RBM47: variants seen among roughly 807,000 people sequenced by gnomAD.
RBM47 encodes the protein RNA-binding protein 47.
RBM47 carries 21 observed loss-of-function variants against 47.1 expected under a neutral mutation model. That is an observed-to-expected ratio of 0.45 (90% CI 0.32 to 0.64). The LOEUF (loss-of-function observed/expected upper bound fraction) is 0.64, where lower values mean the gene tolerates loss of function less well. RBM47 is among the 30% of genes least tolerant of loss of function. RBM47 has a pLI of 0.05. For synonymous variants in RBM47, 375 were observed against 361.7 expected, an observed-to-expected ratio of 1.04 and a Z score of -0.42; for missense variants, 708 against 870.9, an observed-to-expected ratio of 0.81 and a Z score of 2.35.
chr4:40,550,760 G>A (rs1460543261), intron 1 of RBM47, among the ~76,000 whole-genome samples: 4 of 152,016 alleles, frequency 2.6e-5, no homozygotes, highest in African/African-American at 7.2e-5. Context: ...TTGAAGGGAC[G>A]GAAGATAGAG....
At chr4:40,569,942 C>G (rs1731551139) in intron 1 of RBM47, among the ~76,000 whole-genome samples, 1 of 143,170 alleles carries the variant, frequency 7.0e-6, no homozygotes, top group African/African-American at 2.6e-5. Context: ...GAACTCCTGT[C>G]CTCAAGTGAT....
chr4:40,551,285 A>G (rs1054763653), intron 1 of RBM47, among the ~76,000 whole-genome samples: 7 of 152,192 alleles, frequency 4.6e-5, no homozygotes, highest in Admixed American at 1.3e-4. Context: ...ATCTCTGTTT[A>G]CTTTGCTGCT....
intron 1 of RBM47, among the ~76,000 whole-genome samples, chr4:40,546,883 C>A (rs1024014135): frequency 6.6e-6 from 1 of 152,216 alleles, no homozygotes; most frequent in Non-Finnish European, 1.5e-5. Flanking sequence ...GCAGCCCACA[C>A]ATCAGTTTTT....
intron 1 of RBM47, among the ~76,000 whole-genome samples, chr4:40,589,973 G>C (rs1390622994): frequency 2.0e-5 from 3 of 151,290 alleles, no homozygotes; most frequent in Non-Finnish European, 2.9e-5. Context: ...TCCCCTTAAC[G>C]CCTATTAGAA....
Position 40,437,908 on chromosome 4 carries a change from T to C in RBM47, c.986A>G (p.Lys329Arg), listed in dbSNP as rs1226751385. ...VDKEQYSRYQ[K>R]AARGGGAAEA... ...AGCCGCGCCGCCGCCCCTGGCTGCC[T>C]TCTGGTAGCGCGAGTACTGCTCCTT... Residue 329 changes from lysine (K) to arginine (R), a missense_variant, in exon 4 of 7, where the codon AAG becomes AGG. Physicochemically the swap from Lys to Arg is conservative, Grantham distance 26. Transcript: ENST00000295971. 1 of 1,613,776 alleles carries C rather than the reference T, an allele frequency of 6.2e-7. No individual in the cohort carries two copies. The highest frequency in any genetic ancestry group is 1.3e-5 in the African/African-American group (1 of 74,924).
intron 1 of RBM47, among the ~76,000 whole-genome samples, chr4:40,580,504 G>A (rs533400699): frequency 6.6e-6 from 1 of 152,258 alleles, no homozygotes; most frequent in Admixed American, 6.5e-5. Flanking sequence ...GGATGCTGAA[G>A]AGAAAGCCCG....
At chr4:40,611,624 A>T (rs930260766) in intron 1 of RBM47, among the ~76,000 whole-genome samples, 1 of 152,124 alleles carries the variant, frequency 6.6e-6, no homozygotes, top group Non-Finnish European at 1.5e-5. Flanking sequence ...AGCTACCAGG[A>T]GGCTGAGGCA....
At chr4:40,603,102 A>G (rs764957432) in intron 1 of RBM47, among the ~76,000 whole-genome samples, 1 of 152,214 alleles carries the variant, frequency 6.6e-6, no homozygotes, top group Non-Finnish European at 1.5e-5. Context: ...TCAGCACCCC[A>G]GAAGTCCTAC....
intron 2 of RBM47, among the ~76,000 whole-genome samples, chr4:40,476,242 CA>C: frequency 6.6e-6 from 1 of 152,122 alleles, no homozygotes; most frequent in African/African-American, 2.4e-5. Context: ...AGAAAGTACT[CA>C]AAAAGTGTTA....
chr4:40,588,094 G>C (rs572299191), intron 1 of RBM47, among the ~76,000 whole-genome samples: 1 of 152,346 alleles, frequency 6.6e-6, no homozygotes, highest in African/African-American at 2.4e-5. Context: ...AAGCCACGAG[G>C]TGTACTGGGG....
At chr4:40,590,572 A>G (rs899726485) in intron 1 of RBM47, among the ~76,000 whole-genome samples, 3 of 152,232 alleles carry the variant, frequency 2.0e-5, no homozygotes, top group Non-Finnish European at 4.4e-5. Flanking sequence ...ATTGTGAATA[A>G]GAGATCAGCT....
intron 4 of RBM47, among the ~76,000 whole-genome samples, 179 bp downstream of exon 4, chr4:40,437,592 A>G (rs1712847654): frequency 6.6e-6 from 1 of 152,198 alleles, no homozygotes; most frequent in Admixed American, 6.5e-5. Context: ...TCAGTGCTGC[A>G]TAAGTGACGG....
At chr4:40,625,222 T>C (rs1737633677) in intron 1 of RBM47, among the ~76,000 whole-genome samples, 1 of 152,148 alleles carries the variant, frequency 6.6e-6, no homozygotes, top group Non-Finnish European at 1.5e-5. Flanking sequence ...ACACAAATGG[T>C]TTACCTGAGC....
chr4:40,457,824 C>G (rs1375815844), intron 3 of RBM47, among the ~76,000 whole-genome samples: 3 of 152,176 alleles, frequency 2.0e-5, no homozygotes, highest in African/African-American at 7.2e-5. Flanking sequence ...TATGCTCAAA[C>G]AGATTTAGAA....
chr4:40,576,636 T>C (rs754141617), intron 1 of RBM47, among the ~76,000 whole-genome samples: 9 of 152,174 alleles, frequency 5.9e-5, no homozygotes, highest in Non-Finnish European at 4.4e-5. Flanking sequence ...GGCATGATCA[T>C]GGATGGCTCA....
chr4:40,449,380 G>A (rs1715055854), intron 3 of RBM47, among the ~76,000 whole-genome samples: 1 of 152,220 alleles, frequency 6.6e-6, no homozygotes, highest in African/African-American at 2.4e-5. Flanking sequence ...GCTCATCTGA[G>A]AAAGCGTTCA....
intron 2 of RBM47, among the ~76,000 whole-genome samples, chr4:40,504,328 T>A (rs1723801357): frequency 6.7e-6 from 1 of 149,492 alleles, no homozygotes; most frequent in Non-Finnish European, 1.5e-5. Context: ...TCTTGCTGTG[T>A]CACCCAGTCT....
chr4:40,547,331 C>G (rs769961677), intron 1 of RBM47, among the ~76,000 whole-genome samples: 1 of 152,122 alleles, frequency 6.6e-6, no homozygotes, highest in Non-Finnish European at 1.5e-5. Flanking sequence ...CGGGGATGGG[C>G]CCTAATGCAA....
chr4:40,530,370 C>G (rs1053851426), intron 2 of RBM47, among the ~76,000 whole-genome samples: 10 of 152,128 alleles, frequency 6.6e-5, no homozygotes, highest in African/African-American at 2.4e-4. Flanking sequence ...GTGGTACAAT[C>G]TTAGCTCACT....
Sources: allele counts gnomAD v4.1 joint callset (sites outside exome capture counted in the v4.1 genomes callset), GRCh38; gene constraint gnomAD v4.1.1; transcripts MANE v1.5; gene names NCBI Gene and HGNC (gene_info 2026-07-23, HGNC 2026-07-21).